Variants in GPC3 observed in about 807,000 individuals in gnomAD.
The protein encoded by GPC3 is glypican 3, also known as glypican-3.
A neutral mutation model predicts 34.4 loss-of-function variants in GPC3; 3 were observed. The ratio of observed to expected loss-of-function variants is 0.09; its 90% CI spans 0.04 to 0.23. The LOEUF (loss-of-function observed/expected upper bound fraction) is 0.23. GPC3 is among the 10% of genes least tolerant of loss of function. The probability of loss-of-function intolerance (pLI) is 1.00; values close to 1 mark genes in which losing one functional copy is unlikely to be tolerated. For synonymous variants in GPC3, 177 were observed against 174.0 expected, an observed-to-expected ratio of 1.02 and a Z score of -0.13; for missense variants, 351 against 445.6, an observed-to-expected ratio of 0.79 and a Z score of 1.91.
chrX:133,777,084 T>C (rs763340226), intron 2 of GPC3, among the ~76,000 whole-genome samples: 13 of 108,869 alleles, frequency 1.2e-4, no homozygotes, highest in Non-Finnish European at 2.3e-4. Context: ...TTTCACTATG[T>C]TGGCCAGGCT....
At chrX:133,914,999 CT>C (rs2076217930) in intron 2 of GPC3, among the ~76,000 whole-genome samples, 1 of 67,599 alleles carries the variant, frequency 1.5e-5, no homozygotes, top group African/African-American at 6.1e-5. Flanking sequence ...ATATTCTTTT[CT>C]TTATAAAATT....
At chrX:133,690,068 A>G (rs2071047444) in intron 5 of GPC3, among the ~76,000 whole-genome samples, 1 of 111,887 alleles carries the variant, frequency 8.9e-6, no homozygotes, top group Non-Finnish European at 1.9e-5. Context: ...ACAAATATAC[A>G]TTATTTCTCC....
intron 2 of GPC3, among the ~76,000 whole-genome samples, chrX:133,800,302 T>G (rs920323056): frequency 1.8e-5 from 2 of 112,791 alleles, no homozygotes; most frequent in African/African-American, 3.2e-5. Flanking sequence ...CTTTACTAAA[T>G]GTATCACAGA....
chrX:133,647,997 C>T (rs1388190677), intron 6 of GPC3, among the ~76,000 whole-genome samples: 1 of 112,242 alleles, frequency 8.9e-6, no homozygotes, highest in Non-Finnish European at 1.9e-5. Context: ...TCATTTTCTA[C>T]TGTGGGACCT....
At chrX:133,619,645 T>A (rs2070207973) in intron 6 of GPC3, among the ~76,000 whole-genome samples, 1 of 111,107 alleles carries the variant, frequency 9.0e-6, no homozygotes, top group Non-Finnish European at 1.9e-5. Context: ...CATAGAAATA[T>A]GAAGTAGATT....
At chrX:133,870,772 G>T (rs1198107786) in intron 2 of GPC3, among the ~76,000 whole-genome samples, 2 of 111,274 alleles carry the variant, frequency 1.8e-5, no homozygotes, top group Non-Finnish European at 3.8e-5. Context: ...CAATCAATGT[G>T]ACTTTCATAC....
intron 2 of GPC3, among the ~76,000 whole-genome samples, chrX:133,885,926 A>C: frequency 9.0e-6 from 1 of 111,603 alleles, no homozygotes; most frequent in East Asian, 2.8e-4. Context: ...AAATCAAGGC[A>C]AGGAAATGTG....
rs189926083 is a variant in GPC3 at position 133,913,629 on chromosome X, G to A, written c.337+39421C>T. On this transcript the variant is annotated intron_variant, in intron 2 of 7. Transcript: ENST00000370818. ...TTCTGATGGCTGCAGGTATAGAGGG[G>A]CCTCCCAAGGGAAAAACACATTCCT... Among the ~76,000 whole-genome samples the A allele has an allele frequency of 2.7e-5, 3 of 111,737 alleles. No homozygotes were observed. The East Asian group carries it at 8.5e-4, about 32-fold the overall frequency.
chrX:133,936,311 A>G (rs905470414), intron 2 of GPC3, among the ~76,000 whole-genome samples: 1 of 109,755 alleles, frequency 9.1e-6, no homozygotes, highest in East Asian at 2.8e-4. Flanking sequence ...TCTCATAACA[A>G]TTTGAGATTT....
chrX:133,651,839 T>C (rs1488796059), intron 6 of GPC3, among the ~76,000 whole-genome samples: 1 of 112,419 alleles, frequency 8.9e-6, no homozygotes, highest in Non-Finnish European at 1.9e-5. Context: ...AGTTAGCCAA[T>C]GTTTCTCCTT....
chrX:133,944,549 T>G (rs1228037855), intron 2 of GPC3, among the ~76,000 whole-genome samples: 4 of 111,844 alleles, frequency 3.6e-5, no homozygotes, highest in South Asian at 3.8e-4. Context: ...TGTACGGTTT[T>G]AAATATACAC....
At chrX:133,576,782 A>G (rs2069687047) in intron 7 of GPC3, among the ~76,000 whole-genome samples, 1 of 110,090 alleles carries the variant, frequency 9.1e-6, no homozygotes, top group Non-Finnish European at 1.9e-5. Context: ...TGTCATGGAT[A>G]GCTGAAGCCA....
At chrX:133,562,578 C>G (rs2069547424) in intron 7 of GPC3, among the ~76,000 whole-genome samples, 1 of 110,884 alleles carries the variant, frequency 9.0e-6, no homozygotes, top group Non-Finnish European at 1.9e-5. Context: ...TTGCAGTGAG[C>G]TGAGATCGTG....
At chrX:133,960,354 C>T (rs2076436388) in intron 1 of GPC3, among the ~76,000 whole-genome samples, 1 of 110,677 alleles carries the variant, frequency 9.0e-6, no homozygotes, top group Non-Finnish European at 1.9e-5. Flanking sequence ...ATTAGCCATA[C>T]ACCTTGAAAT....
intron 7 of GPC3, among the ~76,000 whole-genome samples, chrX:133,542,961 TA>T (rs1345589273): frequency 1.8e-5 from 2 of 111,907 alleles, no homozygotes; most frequent in Non-Finnish European, 3.8e-5. Context: ...GTGAAATGAC[TA>T]GACTTTAAAG....
At chrX:133,926,030 C>T (rs2076273379) in intron 2 of GPC3, among the ~76,000 whole-genome samples, 1 of 111,338 alleles carries the variant, frequency 9.0e-6, no homozygotes, top group Admixed American at 9.6e-5. Flanking sequence ...AATGACCACT[C>T]ACCCAAAATA....
intron 2 of GPC3, among the ~76,000 whole-genome samples, chrX:133,934,446 T>C (rs1283535979): frequency 9.3e-6 from 1 of 107,401 alleles, no homozygotes; most frequent in Non-Finnish European, 1.9e-5. Flanking sequence ...CCACCCGTCT[T>C]GGCCTCCCAA....
chrX:133,578,873 A>T (rs190358060), intron 7 of GPC3, among the ~76,000 whole-genome samples: 1 of 109,914 alleles, frequency 9.1e-6, no homozygotes, highest in African/African-American at 3.3e-5. Context: ...AATGTCTGCT[A>T]TGGAGAGGGA....
At position 133,547,113 on chromosome X, in the gene GPC3, T is replaced by TA. The variant is rs1306825478; in HGVS notation, c.1574-10821dup. Among the ~76,000 whole-genome samples, 7 of 110,608 alleles carry TA rather than the reference T, an allele frequency of 6.3e-5. 1 individual carries two copies. The highest frequency in any genetic ancestry group is 1.3e-4 in the Non-Finnish European group (7 of 52,941). The stretch of plus-strand genomic sequence containing the variant: ...CATGTTCTCACTCATATGTGGGAGC[T>TA]AAAAAATAGATCTCATGAAGGTAGA... On this transcript the variant is annotated intron_variant, in intron 7 of 7. Coordinates refer to ENST00000370818, the MANE Select transcript of GPC3 (RefSeq NM_004484.4).
Sources: allele counts gnomAD v4.1 joint callset (sites outside exome capture counted in the v4.1 genomes callset), GRCh38; gene constraint gnomAD v4.1.1; transcripts MANE v1.5; gene names NCBI Gene and HGNC (gene_info 2026-07-23, HGNC 2026-07-21).